NUDT7: variants seen among roughly 807,000 people sequenced by gnomAD.
NUDT7 encodes the protein nudix hydrolase 7, also known as peroxisomal coenzyme A diphosphatase NUDT7.
In NUDT7, 19 loss-of-function variants were observed where a neutral mutation model predicts 13.1. The ratio of observed to expected loss-of-function variants is 1.45; its 90% confidence interval spans 1.01 to 2.13. The LOEUF is 2.13. NUDT7 is among the 30% of genes most tolerant of loss of function. The pLI, the probability that NUDT7 is intolerant of heterozygous loss-of-function variation, is 0.00. For missense variants in NUDT7, 360 were observed against 291.7 expected, an observed-to-expected ratio of 1.23 and a Z score of -1.71; for synonymous variants, 132 against 109.7, an observed-to-expected ratio of 1.20 and a Z score of -1.27.
chr16:77,741,838 T>C lies in NUDT7; in HGVS notation c.605T>C (p.Ile202Thr). 6.2e-7 allele frequency: 1 copy of C among 1,614,176 alleles called. No homozygotes were observed. Among genetic ancestry groups the C allele is most frequent in the Non-Finnish European group, 8.5e-7 (1 of 1,180,030 alleles). Residue 202 changes from isoleucine to threonine, a missense_variant, in exon 4 of 4, where the codon ATC becomes ACC. Ile to Thr is a moderately conservative substitution (Grantham distance 89, BLOSUM62 -1). Coordinates refer to ENST00000268533, the MANE Select transcript of NUDT7 (RefSeq NM_001105663.3). ...TANLAVLVAFIILEKKPTFEV... is the reference protein window; with the variant it reads ...TANLAVLVAFTILEKKPTFEV... ...AACCTTGCAGTGTTGGTGGCCTTTA[T>C]CATTTTGGAAAAAAAACCCACCTTT...
intron 2 of NUDT7, among the ~76,000 whole-genome samples, chr16:77,727,825 C>T (rs1196938729): frequency 6.6e-6 from 1 of 151,406 alleles, no homozygotes; most frequent in African/African-American, 2.4e-5. Flanking sequence ...CCACTGCACT[C>T]CAGCCTGGGC....
chr16:77,731,017 C>T (rs1258325541), intron 2 of NUDT7, among the ~76,000 whole-genome samples: 1 of 151,846 alleles, frequency 6.6e-6, no homozygotes, highest in Non-Finnish European at 1.5e-5. Flanking sequence ...ATATTTTCTC[C>T]CATTCCACAG....
rs1356146127 is a variant in NUDT7 at position 77,735,551 on chromosome 16, A to C, written c.190-277A>C. The C allele has an allele frequency of 1.1e-5, 6 of 543,352 alleles. No individual in the cohort carries two copies. In the East Asian group the frequency reaches 1.7e-4, roughly 15 times the overall value. 33.7% of individuals were successfully genotyped at this position (543,352 alleles called of 1,614,324 possible). A position where few individuals can be genotyped will look rare whatever the true frequency, so the allele number is the denominator to read the frequency against. On this transcript the variant is annotated intron_variant, in intron 2 of 3. Coordinates refer to ENST00000268533, the MANE Select transcript of NUDT7 (RefSeq NM_001105663.3). ...TTTTCTTTATAAACTACCCAGTCTC[A>C]GTTATTTATTTATAGCAGTGCAAGA...
At chr16:77,741,329 C>T (rs1013706193) in intron 3 of NUDT7, 29 of 368,652 alleles carry the variant, frequency 7.9e-5, no homozygotes, top group Non-Finnish European at 1.4e-4. Context: ...TGCCAAATTG[C>T]CATTCCAAAA....
At chr16:77,722,658 G>A in intron 1 of NUDT7, 41 bp downstream of exon 1, 3 of 1,563,640 alleles carry the variant, frequency 1.9e-6, no homozygotes, top group Non-Finnish European at 2.6e-6. Context: ...GCTTGGTCAG[G>A]CCCGGCCTTG....
At chr16:77,734,412 A>C (rs2014412842) in intron 2 of NUDT7, among the ~76,000 whole-genome samples, 1 of 152,184 alleles carries the variant, frequency 6.6e-6, no homozygotes, top group African/African-American at 2.4e-5. Flanking sequence ...TCACGAGGTC[A>C]GAAGATCGAG....
intron 2 of NUDT7, among the ~76,000 whole-genome samples, chr16:77,733,708 C>T (rs907906068): frequency 6.6e-6 from 1 of 152,186 alleles, no homozygotes; most frequent in East Asian, 1.9e-4. Context: ...CCGCTCCATC[C>T]TCATGGAACA....
intron 2 of NUDT7, among the ~76,000 whole-genome samples, chr16:77,726,912 C>G (rs1348418818): frequency 3.3e-5 from 5 of 152,030 alleles, no homozygotes; most frequent in Non-Finnish European, 7.3e-5. Context: ...CAGGCATCTG[C>G]TCAGTTTCTG....
rs529618423 is a variant in NUDT7 at position 77,729,867 on chromosome 16, T to C, written c.189+4283T>C. ...ATAAATTTTAAATCAACAGATAAAA[T>C]TGTATAGATTTATCCTGTACAACAT... On this transcript the variant is annotated intron_variant, in intron 2 of 3. Coordinates refer to ENST00000268533, the MANE Select transcript of NUDT7 (RefSeq NM_001105663.3). Among the ~76,000 whole-genome samples, 26 of 152,238 alleles carry C rather than the reference T, an allele frequency of 1.7e-4. 1 individual carries two copies. Among genetic ancestry groups the C allele is most frequent in the African/African-American group, 5.8e-4 (24 of 41,534 alleles).
rs1396392879 is a variant in NUDT7, at chr16:77,741,939, A to G, written c.706A>G (p.Ser236Gly). ...LFLKVHKKAT[S>G]RL ...CCTGAAGGTTCATAAAAAAGCTACA[A>G]GCAGGTTATGATTTACTAGAGCAAG... Residue 236 changes from serine (S) to glycine (G), a missense_variant, in exon 4 of 4, where the codon AGC becomes GGC. Ser to Gly is a moderately conservative substitution (Grantham distance 56, BLOSUM62 0). Transcript: ENST00000268533. The G allele has an allele frequency of 3.8e-6, 6 of 1,598,266 alleles. No homozygotes were observed. The highest frequency in any genetic ancestry group is 2.2e-5 in the East Asian group (1 of 44,792).
intron 2 of NUDT7, among the ~76,000 whole-genome samples, chr16:77,725,977 T>C (rs1207962271): frequency 6.6e-6 from 1 of 152,078 alleles, no homozygotes; most frequent in Non-Finnish European, 1.5e-5. Flanking sequence ...TGTCCCTTTG[T>C]CCAGTATGCC....
chr16:77,738,839 A>T (rs1300896631), intron 3 of NUDT7, among the ~76,000 whole-genome samples: 1 of 152,220 alleles, frequency 6.6e-6, no homozygotes, highest in Non-Finnish European at 1.5e-5. Flanking sequence ...AGGTCTCTGA[A>T]ATATACCCAG....
At chr16:77,737,782 G>A (rs931166029) in intron 3 of NUDT7, among the ~76,000 whole-genome samples, 1 of 152,132 alleles carries the variant, frequency 6.6e-6, no homozygotes, top group Non-Finnish European at 1.5e-5. Flanking sequence ...ACCACACCCA[G>A]CCTTAATGTT....
intron 2 of NUDT7, 50 bp downstream of exon 2, chr16:77,725,634 C>T (rs368213564): frequency 3.1e-5 from 48 of 1,559,088 alleles, no homozygotes; most frequent in Non-Finnish European, 3.9e-5. Context: ...CATCAGAAGA[C>T]CTCACGAGAT....
At chr16:77,739,879 C>T (rs546090791) in intron 3 of NUDT7, among the ~76,000 whole-genome samples, 17 of 152,250 alleles carry the variant, frequency 1.1e-4, no homozygotes, top group African/African-American at 4.1e-4. Flanking sequence ...ATCCCAGCTC[C>T]CTTGTCTCCA....
intron 2 of NUDT7, among the ~76,000 whole-genome samples, chr16:77,730,871 A>AT (rs970704646): frequency 2.7e-5 from 4 of 150,452 alleles, no homozygotes; most frequent in Non-Finnish European, 4.4e-5. Context: ...GATGTTAAGC[A>AT]TTTTTTTCAT....
At chr16:77,728,182 G>A (rs1345627550) in intron 2 of NUDT7, among the ~76,000 whole-genome samples, 5 of 152,088 alleles carry the variant, frequency 3.3e-5, no homozygotes, top group Admixed American at 1.3e-4. Context: ...GGCAAGAAGT[G>A]GGTTAACCCT....
chr16:77,726,729 G>A (rs868032928), intron 2 of NUDT7, among the ~76,000 whole-genome samples: 32 of 152,234 alleles, frequency 2.1e-4, no homozygotes, highest in Admixed American at 9.8e-4. Flanking sequence ...ACCAGGAGGC[G>A]GAGGTTGCAG....
At chr16:77,732,622 G>C (rs2014353143) in intron 2 of NUDT7, among the ~76,000 whole-genome samples, 2 of 152,184 alleles carry the variant, frequency 1.3e-5, no homozygotes, top group Non-Finnish European at 2.9e-5. Context: ...ATCCAGGACA[G>C]TAAAATGGTA....
Sources: gnomAD v4.1 joint callset for allele counts (sites outside exome capture counted in the v4.1 genomes callset) on GRCh38, gnomAD v4.1.1 for gene constraint, MANE v1.5 for transcripts, NCBI Gene and HGNC (gene_info 2026-07-23, HGNC 2026-07-21) for gene names.